The following HEMK2 variants were observed in gnomAD, a reference collection of about 807,000 sequenced individuals.
HEMK2 encodes the protein methyltransferase HEMK2.
chr21:28,621,284 C>CA, the HEMK2 span, among the ~76,000 whole-genome samples: 7 of 152,198 alleles, frequency 4.6e-5, no homozygotes, highest in African/African-American at 9.6e-5. Context: ...TCATTGGTTT[C>CA]AAAAAACTTA....
At chr21:28,605,409 T>G in the HEMK2 span, among the ~76,000 whole-genome samples, 1 of 152,250 alleles carries the variant, frequency 6.6e-6, no homozygotes, top group African/African-American at 2.4e-5. Context: ...ATGGCACTCA[T>G]GTGTCACTCT....
At chr21:28,586,824 G>C in the HEMK2 span, among the ~76,000 whole-genome samples, 6 of 152,194 alleles carry the variant, frequency 3.9e-5, no homozygotes, top group South Asian at 8.3e-4. Flanking sequence ...CTTCTCACAG[G>C]GGGGTAATGA....
chr21:28,604,215 A>T, the HEMK2 span, among the ~76,000 whole-genome samples: 1 of 152,080 alleles, frequency 6.6e-6, no homozygotes, highest in Non-Finnish European at 1.5e-5. Context: ...TTTTTCCTTT[A>T]AAAGAGGGCC....
chr21:28,661,091 C>T, the HEMK2 span, among the ~76,000 whole-genome samples: 1 of 151,840 alleles, frequency 6.6e-6, no homozygotes, highest in Non-Finnish European at 1.5e-5. Flanking sequence ...TTATTTGTGC[C>T]TTCTCTATTT....
At chr21:28,844,206 AAC>A in the HEMK2 span, among the ~76,000 whole-genome samples, 73 of 152,174 alleles carry the variant, frequency 4.8e-4, no homozygotes, top group African/African-American at 1.6e-3. Flanking sequence ...GAATTTTATT[AAC>A]AGTCAATACC....
chr21:28,750,426 C>T, the HEMK2 span, among the ~76,000 whole-genome samples: 6 of 152,024 alleles, frequency 3.9e-5, no homozygotes, highest in Admixed American at 1.3e-4. Flanking sequence ...CAGCTGGGAG[C>T]GGTGACTCAT....
the HEMK2 span, among the ~76,000 whole-genome samples, chr21:28,747,246 A>G: frequency 6.6e-6 from 1 of 152,212 alleles, no homozygotes; most frequent in African/African-American, 2.4e-5. Flanking sequence ...GCAAATCTAG[A>G]GTTGTCCTGC....
the HEMK2 span, among the ~76,000 whole-genome samples, chr21:28,663,980 T>C: frequency 6.6e-6 from 1 of 152,208 alleles, no homozygotes; most frequent in East Asian, 1.9e-4. Context: ...TACATACGCA[T>C]TGTACATATA....
At chr21:28,689,728 G>A in the HEMK2 span, among the ~76,000 whole-genome samples, 1 of 152,156 alleles carries the variant, frequency 6.6e-6, no homozygotes, top group Non-Finnish European at 1.5e-5. Flanking sequence ...TTAAAATAGG[G>A]AGCTTATCCT....
the HEMK2 span, among the ~76,000 whole-genome samples, chr21:28,797,676 G>A: frequency 6.6e-6 from 1 of 151,838 alleles, no homozygotes; most frequent in Admixed American, 6.6e-5. Context: ...TTAAAAGATG[G>A]GAAAAAAATA....
the HEMK2 span, among the ~76,000 whole-genome samples, chr21:28,576,383 C>A: frequency 6.6e-6 from 1 of 152,070 alleles, no homozygotes; most frequent in African/African-American, 2.4e-5. Flanking sequence ...TCATAAATTT[C>A]TCTTGTGAAG....
At chr21:28,676,888 G>GA in the HEMK2 span, among the ~76,000 whole-genome samples, 1 of 152,200 alleles carries the variant, frequency 6.6e-6, no homozygotes, top group African/African-American at 2.4e-5. Flanking sequence ...TATAATTCTG[G>GA]AAAAAATGAC....
At chr21:28,877,475 GAAGAGA>G in the HEMK2 span, among the ~76,000 whole-genome samples, 1 of 147,764 alleles carries the variant, frequency 6.8e-6, no homozygotes, top group African/African-American at 2.5e-5. Flanking sequence ...AAAAAGAAGA[GAAGAGA>G]AAGAGAAAGA....
chr21:28,584,842 T>C, the HEMK2 span, among the ~76,000 whole-genome samples: 1 of 152,030 alleles, frequency 6.6e-6, no homozygotes, highest in Admixed American at 6.6e-5. Flanking sequence ...AAGAAAATCA[T>C]CTGTCTCTCC....
At chr21:28,758,978 T>C in the HEMK2 span, among the ~76,000 whole-genome samples, 2 of 152,206 alleles carry the variant, frequency 1.3e-5, no homozygotes, top group African/African-American at 2.4e-5. Context: ...TAGTCTGGCA[T>C]AGCTGGTTTT....
At chr21:28,732,743 A>C in the HEMK2 span, among the ~76,000 whole-genome samples, 2 of 152,184 alleles carry the variant, frequency 1.3e-5, no homozygotes, top group African/African-American at 2.4e-5. Context: ...CACCCAAATC[A>C]TCTGAGATTC....
chr21:28,721,937 C>CAT, the HEMK2 span, among the ~76,000 whole-genome samples: 1 of 131,584 alleles, frequency 7.6e-6, no homozygotes, highest in Admixed American at 8.0e-5. Context: ...CACACACACA[C>CAT]ATACACCTAT....
the HEMK2 span, among the ~76,000 whole-genome samples, chr21:28,614,451 T>C: frequency 2.5e-3 from 379 of 152,158 alleles, 3 homozygotes; most frequent in African/African-American, 8.0e-3. Flanking sequence ...CCATCAGACA[T>C]TTTGCAATTT....
chr21:28,742,032 C>T, the HEMK2 span, among the ~76,000 whole-genome samples: 27,098 of 152,094 alleles, frequency 0.18, 2,834 homozygotes, highest in African/African-American at 0.28. Context: ...GAGGAGGTGA[C>T]GGCAAACTAT....
Sources: gnomAD v4.1 joint callset for allele counts (sites outside exome capture counted in the v4.1 genomes callset) on GRCh38, gnomAD v4.1.1 for gene constraint, MANE v1.5 for transcripts, NCBI Gene and HGNC (gene_info 2026-07-23, HGNC 2026-07-21) for gene names.